Variants in FTCD observed in about 807,000 individuals in gnomAD.
The protein encoded by FTCD is formimidoyltransferase-cyclodeaminase.
A neutral mutation model predicts 62.9 loss-of-function variants in FTCD; 76 were observed. The ratio of observed to expected loss-of-function variants is 1.21; its 90% confidence interval spans 1.00 to 1.46. The LOEUF (loss-of-function observed/expected upper bound fraction) is 1.46. Ranked by LOEUF, FTCD falls within the 40% of genes most tolerant of loss-of-function variation. FTCD has a pLI of 0.00. For missense variants in FTCD, 845 were observed against 751.3 expected, an observed-to-expected ratio of 1.12 and a Z score of -1.46; for synonymous variants, 397 against 336.9, an observed-to-expected ratio of 1.18 and a Z score of -1.95.
chr21:46,136,830 C>T lies in FTCD; in HGVS notation c.*157G>A. ...CACATGGGACTAGGGGCCTTCTGTC[C>T]CTGCCAGCGCCTCCATTCCCAGGCG... On this transcript the variant is annotated 3_prime_UTR_variant, in exon 14 of 14. Transcript: ENST00000397746. 6.5e-7 allele frequency: 1 copy of T among 1,549,572 alleles called. No homozygotes were observed. The highest frequency in any genetic ancestry group is 2.4e-5 in the East Asian group (1 of 40,920).
At chr21:46,142,674 C>T (rs896833959) in intron 10 of FTCD, 2 of 152,186 alleles carry the variant, frequency 1.3e-5, no homozygotes, top group African/African-American at 4.8e-5. Flanking sequence ...AGAACAAAGC[C>T]CCCACAGCTT....
At chr21:46,149,185 A>C (rs973801695) in intron 7 of FTCD, among the ~76,000 whole-genome samples, 3 of 152,176 alleles carry the variant, frequency 2.0e-5, no homozygotes, top group Non-Finnish European at 4.4e-5. Context: ...GTCACAAAAA[A>C]TTTTGTTAAC....
At chr21:46,154,812 G>C (rs1023356435) in intron 1 of FTCD, among the ~76,000 whole-genome samples, 1 of 152,242 alleles carries the variant, frequency 6.6e-6, no homozygotes, top group Non-Finnish European at 1.5e-5. Context: ...CCAGGGCCTT[G>C]GTGCTGGCTG....
intron 7 of FTCD, among the ~76,000 whole-genome samples, chr21:46,149,770 C>A (rs1326890721): frequency 6.6e-6 from 1 of 152,188 alleles, no homozygotes; most frequent in African/African-American, 2.4e-5. Context: ...TAAAGGCACA[C>A]ACATCCATGA....
chr21:46,153,184 G>GGCCGGCCCTGGGCGCT, intron 2 of FTCD, 149 bp from the exon 3 acceptor site: 2 of 817,678 alleles, frequency 2.4e-6, no homozygotes, highest in South Asian at 3.8e-5. Context: ...ACAGGGAGGA[G>GGCCGGCCCTGGGCGCT]GCCGGCCCTG....
chr21:46,138,619 C>G lies in FTCD; in HGVS notation c.1332G>C (p.Leu444=). 8 of 1,594,166 alleles carry G rather than the reference C, an allele frequency of 5.0e-6. No homozygotes were observed. Among genetic ancestry groups the G allele is most frequent in the Non-Finnish European group, 6.8e-6 (8 of 1,177,286 alleles). ...DRRTAALQEG[L]RRAVSVPLTL... ...TCAGCGGCACAGAGACTGCCCGCCT[C>G]AGACCCTCCTGTAGGGCCGCCGTGC... The change falls in exon 12 of 14, where the codon CTG becomes CTC. Residue 444 remains leucine (L), a synonymous_variant. Transcript: ENST00000397746.
At position 46,151,694 on chromosome 21, in the gene FTCD, A is replaced by C. The variant is rs2079280428; in HGVS notation, c.500T>G (p.Phe167Cys). ...GGCCGTGGCCCCCCAACTGGGGACA[A>C]AGGAGCTGGGACCAAAGTCGGGCGC... ...DWAPDFGPSS[F>C]VPSWGATATG... The change falls in exon 5 of 14, where the codon TTT (phenylalanine) becomes TGT (cysteine). Residue 167 changes from phenylalanine (F) to cysteine (C), a missense_variant. By Grantham distance (205) the Phe-to-Cys change is radical. Transcript: ENST00000397746. 1 of 1,612,878 alleles carries C rather than the reference A, an allele frequency of 6.2e-7. No homozygotes were observed. The highest frequency in any genetic ancestry group is 2.2e-5 in the East Asian group (1 of 44,890).
At chr21:46,153,162 T>TCC (rs1433233734) in intron 2 of FTCD, 127 bp from the exon 3 acceptor site, 2 of 1,037,976 alleles carry the variant, frequency 1.9e-6, no homozygotes, top group Non-Finnish European at 2.7e-6. Context: ...AGCAAGCTGC[T>TCC]CACACTGACC....
At chr21:46,146,615 AC>A in intron 7 of FTCD, 1 of 547,666 alleles carries the variant, frequency 1.8e-6, no homozygotes, top group South Asian at 2.3e-5. Flanking sequence ...CCCCCTGGGG[AC>A]CCCTCAGCAA....
intron 10 of FTCD, among the ~76,000 whole-genome samples, chr21:46,143,077 C>T (rs985163230): frequency 6.6e-6 from 1 of 152,178 alleles, no homozygotes; most frequent in Non-Finnish European, 1.5e-5. Context: ...TCAGGCGACT[C>T]CCTCTGCAAA....
intron 10 of FTCD, among the ~76,000 whole-genome samples, chr21:46,144,222 C>A (rs570141061): frequency 6.6e-6 from 1 of 151,698 alleles, no homozygotes; most frequent in Admixed American, 6.6e-5. Flanking sequence ...GGGCCACTAC[C>A]GGTCTCCGTG....
chr21:46,152,969 TCCACGCTGACG>T lies in FTCD; in HGVS notation c.294_304del (p.Val99Ter). 6.4e-7 allele frequency: 1 copy of T among 1,557,830 alleles called. No homozygotes were observed. The highest frequency in any genetic ancestry group is 1.7e-4 in the Middle Eastern group (1 of 5,980). ...GGCCTGGGCGCAGAGCACACACTCA[TCCACGCTGACG>T]CCCCTCACGGGGATGAAGGGGCAGA... On this transcript the variant is annotated frameshift_variant, in exon 3 of 14. Coordinates refer to ENST00000397746, the MANE Select transcript of FTCD (RefSeq NM_206965.2). LOFTEE classifies it high-confidence loss of function.
At chr21:46,147,825 TC>T (rs1199549381) in intron 7 of FTCD, among the ~76,000 whole-genome samples, 1 of 150,018 alleles carries the variant, frequency 6.7e-6, no homozygotes, top group East Asian at 2.0e-4. Context: ...ACGCCTGTAA[TC>T]CCAGCTACTC....
rs550618366 is a variant in FTCD at position 46,142,330 on chromosome 21, G to A, written c.1260+3087C>T. 15 of 139,590 alleles carry A rather than the reference G, an allele frequency of 1.1e-4. 1 individual carries two copies. The highest frequency in any genetic ancestry group is 2.8e-4 in the African/African-American group (10 of 35,796). 8.6% of individuals were successfully genotyped at this position (139,590 alleles called of 1,614,324 possible). On this transcript the variant is annotated intron_variant, in intron 10 of 13. Coordinates refer to ENST00000397746, the MANE Select transcript of FTCD (RefSeq NM_206965.2). The stretch of plus-strand genomic sequence containing the variant: ...GTTTCTTCCTCCCGGTGAGGCCGCA[G>A]ACCTTCACAGTGAGCCATAAGCTCT...
rs1486920767 is a variant in FTCD, at chr21:46,145,924, G to C, written c.992C>G (p.Pro331Arg). Residue 331 changes from proline to arginine, a missense_variant, in exon 9 of 14, where the codon CCT (proline) becomes CGT (arginine). By Grantham distance (103) the Pro-to-Arg change is moderately radical (BLOSUM62 -2). Transcript: ENST00000397746. ...IIEYLVPERG[P>R]ERGLGSKSLR... The stretch of plus-strand genomic sequence containing the variant: ...GGACTTGCTGCCCAGGCCTCGCTCA[G>C]GCCCGCGCTCAGGGACCAGGTACCT... 1 of 1,504,454 alleles carries C rather than the reference G, an allele frequency of 6.6e-7. No homozygotes were observed. Among genetic ancestry groups the C allele is most frequent in the Non-Finnish European group, 8.8e-7 (1 of 1,133,274 alleles). 93.2% of individuals were successfully genotyped at this position (1,504,454 alleles called of 1,614,324 possible). A position where few individuals can be genotyped will look rare whatever the true frequency, so the allele number is the denominator to read the frequency against.
At chr21:46,143,892 C>T (rs369729594) in intron 10 of FTCD, among the ~76,000 whole-genome samples, 1 of 152,192 alleles carries the variant, frequency 6.6e-6, no homozygotes, top group East Asian at 1.9e-4. Context: ...GAGGCCTAAT[C>T]GTCTCCCTGT....
At chr21:46,138,691 G>C in intron 11 of FTCD, 45 bp from the exon 12 acceptor site, 1 of 1,584,054 alleles carries the variant, frequency 6.3e-7, no homozygotes, top group Non-Finnish European at 8.6e-7. Context: ...GCACACACAG[G>C]CAGGCAGTGG....
rs1435583080 is a variant in FTCD at position 46,145,508 on chromosome 21, G to C, written c.1169C>G (p.Thr390Arg). 12 of 1,551,260 alleles carry C rather than the reference G, an allele frequency of 7.7e-6. No individual in the cohort carries two copies. Among genetic ancestry groups the C allele is most frequent in the East Asian group, 2.4e-5 (1 of 40,964 alleles). ...GRRQFQSLDT[T>R]MRRLIPPFRE... ...GAAGGGCGGGATCAGGCGCCGCATCGTCGTGTCCAGGGACTGGAATTGGCG... is the reference window on the plus strand; with the variant it reads ...GAAGGGCGGGATCAGGCGCCGCATCCTCGTGTCCAGGGACTGGAATTGGCG... Residue 390 changes from threonine to arginine, a missense_variant, in exon 10 of 14, where the codon ACG (threonine) becomes AGG (arginine). Coordinates refer to ENST00000397746, the MANE Select transcript of FTCD (RefSeq NM_206965.2).
At position 46,138,879 on chromosome 21, in the gene FTCD, C is replaced by T; in HGVS notation, c.1304+1G>A. ...CGGTGCGGCCGGCCCTCCAGGCTCACCTGTCCTTTTCCTCAGGTGTGTTCT... is the reference window on the plus strand; with the variant it reads ...CGGTGCGGCCGGCCCTCCAGGCTCATCTGTCCTTTTCCTCAGGTGTGTTCT... On this transcript the variant is annotated splice_donor_variant, in intron 11 of 13. Transcript: ENST00000397746. LOFTEE classifies it high-confidence loss of function. 6.2e-7 allele frequency: 1 copy of T among 1,612,170 alleles called. No individual in the cohort carries two copies. The highest frequency in any genetic ancestry group is 8.5e-7 in the Non-Finnish European group (1 of 1,178,382).
Sources: gnomAD v4.1 joint callset for allele counts (sites outside exome capture counted in the v4.1 genomes callset) on GRCh38, gnomAD v4.1.1 for gene constraint, MANE v1.5 for transcripts, NCBI Gene and HGNC (gene_info 2026-07-23, HGNC 2026-07-21) for gene names.